RASGRF2: variants seen among roughly 807,000 people sequenced by gnomAD.
RASGRF2 encodes Ras protein specific guanine nucleotide releasing factor 2, also known as ras-specific guanine nucleotide-releasing factor 2.
Under a neutral mutation model 151.0 loss-of-function variants are expected in RASGRF2, and 76 were observed. That is an observed-to-expected ratio of 0.50 (90% CI 0.42 to 0.61). RASGRF2 has a LOEUF of 0.61. Ranked by LOEUF, RASGRF2 falls within the 20% of genes least tolerant of loss-of-function variation. The pLI, the probability that RASGRF2 is intolerant of heterozygous loss-of-function variation, is 0.00. For synonymous variants in RASGRF2, 504 were observed against 566.5 expected (o/e 0.89, Z 1.57); for missense variants, 1,148 against 1,564.6 (o/e 0.73, Z 4.49).
intron 2 of RASGRF2, among the ~76,000 whole-genome samples, chr5:81,046,892 G>A (rs1750852526): frequency 6.6e-6 from 1 of 152,132 alleles, no homozygotes; most frequent in African/African-American, 2.4e-5. Flanking sequence ...CATGGATCCA[G>A]TTGTATATCT....
At chr5:81,223,553 A>T (rs2112755564) in intron 26 of RASGRF2, 1 of 152,280 alleles carries the variant, frequency 6.6e-6, no homozygotes, top group African/African-American at 2.4e-5. Context: ...AGACAGGAGG[A>T]TGGCGTGAAC....
At chr5:80,984,951 T>G (rs1309842730) in intron 1 of RASGRF2, among the ~76,000 whole-genome samples, 1 of 152,228 alleles carries the variant, frequency 6.6e-6, no homozygotes, top group African/African-American at 2.4e-5. Context: ...GGCTTATGCC[T>G]GTAATTCCAG....
At chr5:81,213,808 A>G (rs1217416512) in intron 23 of RASGRF2, among the ~76,000 whole-genome samples, 1 of 152,196 alleles carries the variant, frequency 6.6e-6, no homozygotes, top group Non-Finnish European at 1.5e-5. Flanking sequence ...TTTTCTGTCA[A>G]CAATGGACCT....
chr5:81,000,008 C>G (rs1749027770), intron 1 of RASGRF2, among the ~76,000 whole-genome samples: 1 of 152,142 alleles, frequency 6.6e-6, no homozygotes, highest in Non-Finnish European at 1.5e-5. Flanking sequence ...ATATCTGGGA[C>G]CTCTGCTGGG....
At chr5:81,168,975 G>A (rs902141283) in intron 17 of RASGRF2, among the ~76,000 whole-genome samples, 3 of 152,140 alleles carry the variant, frequency 2.0e-5, no homozygotes, top group Non-Finnish European at 4.4e-5. Context: ...CTGGCTCTTT[G>A]ACCAATATCT....
At chr5:81,197,560 G>C (rs1324630227) in intron 18 of RASGRF2, among the ~76,000 whole-genome samples, 1 of 148,350 alleles carries the variant, frequency 6.7e-6, no homozygotes, top group African/African-American at 2.5e-5. Context: ...ATTCAAATTA[G>C]ATTAGACTTG....
rs528875532 is a variant in RASGRF2 at position 81,174,247 on chromosome 5, C to T, written c.2687-5928C>T. ...ATTGGGGAGCAGTTGGAAGAAAAGACACATACACTTGGTTTTTAGATATGT... is the reference window on the plus strand; with the variant it reads ...ATTGGGGAGCAGTTGGAAGAAAAGATACATACACTTGGTTTTTAGATATGT... On this transcript the variant is annotated intron_variant, in intron 17 of 26. Transcript: ENST00000265080. Among the ~76,000 whole-genome samples the T allele has an allele frequency of 9.9e-5, 15 of 152,272 alleles. No homozygotes were observed. The South Asian group carries it at 3.1e-3, about 32-fold the overall frequency.
chr5:81,059,611 C>T (rs1262745232), intron 2 of RASGRF2, among the ~76,000 whole-genome samples: 1 of 151,986 alleles, frequency 6.6e-6, no homozygotes, highest in Admixed American at 6.6e-5. Context: ...CTCTGGGAGG[C>T]TGAGATGGGT....
At chr5:81,101,354 CTT>C (rs371070338) in intron 12 of RASGRF2, among the ~76,000 whole-genome samples, 1 of 149,124 alleles carries the variant, frequency 6.7e-6, no homozygotes, top group Non-Finnish European at 1.5e-5. Flanking sequence ...TATAGTTTAA[CTT>C]TTTTTTTTAG....
intron 1 of RASGRF2, among the ~76,000 whole-genome samples, chr5:80,982,580 CTAT>C (rs10634471): frequency 0.2 from 26,664 of 134,956 alleles, 2,743 homozygotes; most frequent in Non-Finnish European, 0.23. Context: ...AAATTTGGTT[CTAT>C]TATTATTATT....
intron 17 of RASGRF2, among the ~76,000 whole-genome samples, chr5:81,174,115 A>G (rs1754719958): frequency 6.6e-6 from 1 of 152,224 alleles, no homozygotes; most frequent in Admixed American, 6.5e-5. Flanking sequence ...AAGTTCACAG[A>G]ATTTATTGAC....
At chr5:81,138,768 T>G (rs1212974919) in intron 17 of RASGRF2, among the ~76,000 whole-genome samples, 1 of 30,188 alleles carries the variant, frequency 3.3e-5, no homozygotes, top group African/African-American at 5.4e-5. Context: ...ATGTGCTTGT[T>G]TTTTTTTTTT....
At chr5:81,219,846 AG>A in intron 26 of RASGRF2, 68 bp downstream of exon 26, 1 of 1,327,668 alleles carries the variant, frequency 7.5e-7, no homozygotes, top group Non-Finnish European at 1.1e-6. Flanking sequence ...AGAAAACAAC[AG>A]TAAAAGTTGA....
intron 22 of RASGRF2, among the ~76,000 whole-genome samples, chr5:81,211,920 T>C (rs1294901830): frequency 6.6e-6 from 1 of 152,220 alleles, no homozygotes; most frequent in African/African-American, 2.4e-5. Flanking sequence ...CAAGTGTTTT[T>C]TTCTTTCTCT....
intron 1 of RASGRF2, among the ~76,000 whole-genome samples, chr5:81,008,339 C>T (rs553576853): frequency 6.6e-6 from 1 of 151,824 alleles, no homozygotes; most frequent in Non-Finnish European, 1.5e-5. Context: ...TTAATAGAGA[C>T]GAGGTTTCAC....
intron 17 of RASGRF2, among the ~76,000 whole-genome samples, chr5:81,148,827 TAATAA>T (rs752330889): frequency 9.4e-5 from 14 of 149,156 alleles, no homozygotes; most frequent in African/African-American, 2.9e-4. Context: ...AGTATAATAA[TAATAA>T]AATAAAATAA....
In RASGRF2 at chr5:81,143,523, C is replaced by T. The variant is rs537766438; in HGVS notation, c.2686+16360C>T. ...ACAATGCAGGAATGCTGAAAATAAT[C>T]TCTGATGAGTCAGAAAGACTCTCAC... On this transcript the variant is annotated intron_variant, in intron 17 of 26. Coordinates refer to ENST00000265080, the MANE Select transcript of RASGRF2 (RefSeq NM_006909.3). Among the ~76,000 whole-genome samples the T allele has an allele frequency of 5.3e-5, 8 of 152,230 alleles. 1 individual carries two copies. In the South Asian group the frequency reaches 1.7e-3, roughly 32 times the overall value.
intron 17 of RASGRF2, among the ~76,000 whole-genome samples, chr5:81,158,270 C>T (rs1417815822): frequency 2.0e-5 from 3 of 152,086 alleles, no homozygotes; most frequent in African/African-American, 7.2e-5. Flanking sequence ...TGTAATTCAG[C>T]AGGGACAGTG....
intron 1 of RASGRF2, among the ~76,000 whole-genome samples, chr5:80,978,992 G>T (rs1748216254): frequency 6.6e-6 from 1 of 152,200 alleles, no homozygotes; most frequent in Non-Finnish European, 1.5e-5. Context: ...TATTTAGCCT[G>T]TTTTAATATT....
Sources: allele counts gnomAD v4.1 joint callset (sites outside exome capture counted in the v4.1 genomes callset), GRCh38; gene constraint gnomAD v4.1.1; transcripts MANE v1.5; gene names NCBI Gene and HGNC (gene_info 2026-07-23, HGNC 2026-07-21).